Variants in MYOCD observed in about 807,000 individuals in gnomAD.
The protein encoded by MYOCD is myocardin.
Under a neutral mutation model 96.1 loss-of-function variants are expected in MYOCD, and 32 were observed. The ratio of observed to expected loss-of-function variants is 0.33; its 90% CI spans 0.25 to 0.45. MYOCD has a LOEUF of 0.45. Ranked by LOEUF, MYOCD falls within the 20% of genes least tolerant of loss-of-function variation. The pLI is 1.00. For synonymous variants in MYOCD, 469 were observed against 469.0 expected, an observed-to-expected ratio of 1.00 and a Z score of 0.00; for missense variants, 1,133 against 1,200.6, an observed-to-expected ratio of 0.94 and a Z score of 0.83.
Position 12,763,118 on chromosome 17 carries a change from T to C in MYOCD, c.2435T>C (p.Val812Ala). Residue 812 changes from valine to alanine, a missense_variant, in exon 14 of 14, where the codon GTC becomes GCC. Val to Ala is a moderately conservative substitution (Grantham distance 64, BLOSUM62 0). Coordinates refer to ENST00000425538, the MANE Select transcript of MYOCD (RefSeq NM_001146312.3). ...AREDHSCLQK[V>A]PKIPRSSRSP... ...GAGGATCACTCATGTCTTCAAAAAGTCCCAAAGATACCCAGATCTTCCCGA... is the reference window on the plus strand; with the variant it reads ...GAGGATCACTCATGTCTTCAAAAAGCCCCAAAGATACCCAGATCTTCCCGA... The C allele has an allele frequency of 6.2e-7, 1 of 1,613,902 alleles. No individual in the cohort carries two copies. Among genetic ancestry groups the C allele is most frequent in the Non-Finnish European group, 8.5e-7 (1 of 1,179,970 alleles).
At chr17:12,683,487 T>C (rs986627094) in intron 1 of MYOCD, among the ~76,000 whole-genome samples, 1 of 151,998 alleles carries the variant, frequency 6.6e-6, no homozygotes, top group Non-Finnish European at 1.5e-5. Flanking sequence ...TCCCGCTCCT[T>C]CTCTCTGTCT....
At chr17:12,731,409 T>G (rs142891803) in intron 5 of MYOCD, among the ~76,000 whole-genome samples, 203 of 152,302 alleles carry the variant, frequency 1.3e-3, no homozygotes, top group African/African-American at 4.4e-3. Context: ...TCTGGAGTTG[T>G]GCTGACCTTT....
chr17:12,684,839 T>A lies in MYOCD; in HGVS notation c.55+18596T>A, dbSNP rs575969044. Among the ~76,000 whole-genome samples, 37 of 142,328 alleles carry A rather than the reference T, an allele frequency of 2.6e-4. No homozygotes were observed. The South Asian group carries it at 8.1e-3, about 31-fold the overall frequency. The allele number at this position is 142,328 out of a possible 152,430, so 93.4% of individuals were successfully genotyped here. A position where few individuals can be genotyped will look rare whatever the true frequency, so the allele number is the denominator to read the frequency against. ...CCAGCTGGGGAAATAGAGTGAGAAT[T>A]CGTCTCAAAAAAAAAAAAAAAAAGA... On this transcript the variant is annotated intron_variant, in intron 1 of 13. Coordinates refer to ENST00000425538, the MANE Select transcript of MYOCD (RefSeq NM_001146312.3).
chr17:12,734,811 A>G (rs977959317), intron 5 of MYOCD, among the ~76,000 whole-genome samples: 2 of 152,116 alleles, frequency 1.3e-5, no homozygotes, highest in African/African-American at 2.4e-5. Context: ...GCCCAGCCAC[A>G]TTAGGCATTT....
chr17:12,740,579 C>A (rs2032477307), intron 7 of MYOCD, among the ~76,000 whole-genome samples: 1 of 152,114 alleles, frequency 6.6e-6, no homozygotes, highest in African/African-American at 2.4e-5. Context: ...GGTTGATGGG[C>A]ACTTCGGTTG....
At chr17:12,732,781 C>A (rs1232798944) in intron 5 of MYOCD, among the ~76,000 whole-genome samples, 1 of 152,148 alleles carries the variant, frequency 6.6e-6, no homozygotes, top group African/African-American at 2.4e-5. Flanking sequence ...CTGGGGTCAC[C>A]AAATGCCAGG....
chr17:12,703,628 ACT>A (rs1340301345), intron 1 of MYOCD, among the ~76,000 whole-genome samples: 2 of 151,906 alleles, frequency 1.3e-5, no homozygotes, highest in African/African-American at 4.8e-5. Flanking sequence ...TTGCTCTATG[ACT>A]CTGCTCTGCT....
chr17:12,713,433 G>C (rs2031540502), intron 2 of MYOCD, among the ~76,000 whole-genome samples: 1 of 152,160 alleles, frequency 6.6e-6, no homozygotes, highest in Non-Finnish European at 1.5e-5. Context: ...ATTGTGTTTG[G>C]AATGTCAGCG....
chr17:12,709,513 A>C (rs1013643163), intron 2 of MYOCD, among the ~76,000 whole-genome samples: 15 of 152,228 alleles, frequency 9.9e-5, no homozygotes, highest in Admixed American at 3.3e-4. Flanking sequence ...GTGCATTTAC[A>C]ATGGCAGTTG....
intron 10 of MYOCD, among the ~76,000 whole-genome samples, chr17:12,753,752 G>T (rs944973390): frequency 6.6e-6 from 1 of 152,144 alleles, no homozygotes; most frequent in Non-Finnish European, 1.5e-5. Context: ...TTTGCTGACC[G>T]CTGTTCTCAG....
At chr17:12,741,138 A>T (rs1180353990) in intron 7 of MYOCD, among the ~76,000 whole-genome samples, 2 of 152,238 alleles carry the variant, frequency 1.3e-5, no homozygotes, top group Non-Finnish European at 2.9e-5. Context: ...CTTAAAAAAG[A>T]TTGTAAATTG....
At chr17:12,738,462 C>T (rs1444032591) in intron 6 of MYOCD, among the ~76,000 whole-genome samples, 1 of 152,130 alleles carries the variant, frequency 6.6e-6, no homozygotes, top group Non-Finnish European at 1.5e-5. Context: ...CACACACAAA[C>T]ACACACACAG....
At chr17:12,695,700 AT>A (rs2030710794) in intron 1 of MYOCD, among the ~76,000 whole-genome samples, 1 of 152,150 alleles carries the variant, frequency 6.6e-6, no homozygotes, top group African/African-American at 2.4e-5. Flanking sequence ...AATTTTTTGA[AT>A]TGTGGTATAA....
chr17:12,756,625 G>A (rs527604783), intron 11 of MYOCD, 68 bp downstream of exon 11: 1 of 1,436,848 alleles, frequency 7.0e-7, no homozygotes, highest in African/African-American at 1.4e-5. Context: ...TAACCCGGGA[G>A]GCAGAAGTTG....
At position 12,665,948 on chromosome 17, in the gene MYOCD, C is replaced by G. The variant is rs995992094; in HGVS notation, c.-241C>G. ...GCCTGGGATGCCGCGCTGCTCCTGG[C>G]CAACCTCCGAGGAGGAGGAGGGTCC... is the stretch of plus-strand genomic sequence containing the variant. On this transcript the variant is annotated 5_prime_UTR_variant, in exon 1 of 14. Coordinates refer to ENST00000425538, the MANE Select transcript of MYOCD (RefSeq NM_001146312.3). The surrounding 1 kb of genome is among the most constrained non-coding windows in gnomAD (Gnocchi z 4.2). The G allele has an allele frequency of 1.9e-6, 1 of 536,468 alleles. No individual in the cohort carries two copies. Among genetic ancestry groups the G allele is most frequent in the Admixed American group, 3.3e-5 (1 of 30,542 alleles). 33.2% of individuals were successfully genotyped at this position (536,468 alleles called of 1,614,324 possible).
In MYOCD at chr17:12,753,128, T is replaced by C; in HGVS notation, c.1840T>C (p.Cys614Arg). Reference sequence around the variant, plus strand: ...ACTCCAGCCTCTTGGAAATGCTCATTGTGTGGAGTCCTCAGATCAAACCAA... The same window carrying C: ...ACTCCAGCCTCTTGGAAATGCTCATCGTGTGGAGTCCTCAGATCAAACCAA... ...AQLQPLGNAH[C>R]VESSDQTNVL... Residue 614 changes from cysteine to arginine, a missense_variant, in exon 10 of 14, where the codon TGT (cysteine) becomes CGT (arginine). Transcript: ENST00000425538. 1.2e-6 allele frequency: 2 copies of C among 1,614,198 alleles called. No homozygotes were observed. Among genetic ancestry groups the C allele is most frequent in the Non-Finnish European group, 1.7e-6 (2 of 1,180,036 alleles).
At chr17:12,759,298 G>A (rs114024322) in intron 12 of MYOCD, among the ~76,000 whole-genome samples, 1 of 152,160 alleles carries the variant, frequency 6.6e-6, no homozygotes, top group Non-Finnish European at 1.5e-5. Context: ...AAAAATTAGA[G>A]GATCTGGCAA....
chr17:12,755,569 C>T (rs1317062680), intron 10 of MYOCD, among the ~76,000 whole-genome samples: 19 of 151,990 alleles, frequency 1.3e-4, no homozygotes, highest in Admixed American at 1.2e-3. Flanking sequence ...GGTGAAACCC[C>T]ATTTCTACTA....
intron 1 of MYOCD, 149 bp downstream of exon 1, chr17:12,666,392 G>C: frequency 1.5e-6 from 1 of 664,382 alleles, no homozygotes; most frequent in Admixed American, 2.4e-5. Context: ...GAAGAGTTTT[G>C]TTTGACTTTG....
Sources: gnomAD v4.1 joint callset for allele counts (sites outside exome capture counted in the v4.1 genomes callset) on GRCh38, gnomAD v4.1.1 for gene constraint, Gnocchi (gnomAD v3.1) non-coding constraint, MANE v1.5 for transcripts, NCBI Gene and HGNC (gene_info 2026-07-23, HGNC 2026-07-21) for gene names.